The following COMMD1 variants were observed in gnomAD, a reference collection of about 807,000 sequenced individuals.
COMMD1 encodes the protein COMM domain-containing protein 1.
A neutral mutation model predicts 17.2 loss-of-function variants in COMMD1; 10 were observed. That is an observed-to-expected ratio of 0.58 (90% CI 0.36 to 0.99). The LOEUF (loss-of-function observed/expected upper bound fraction) is 0.99. COMMD1 is among the 50% of genes least tolerant of loss of function. The pLI is 0.01. For missense variants in COMMD1, 270 were observed against 231.8 expected (o/e 1.17, Z -1.07); for synonymous variants, 97 against 91.6 (o/e 1.06, Z -0.34).
intron 2 of COMMD1, among the ~76,000 whole-genome samples, chr2:62,054,407 C>T (rs1670629596): frequency 6.6e-6 from 1 of 152,164 alleles, no homozygotes; most frequent in African/African-American, 2.4e-5. Flanking sequence ...ATGTTTATCA[C>T]AGCACCATTC....
intron 1 of COMMD1, among the ~76,000 whole-genome samples, chr2:61,895,453 G>A (rs1360560009): frequency 6.6e-6 from 1 of 152,090 alleles, no homozygotes; most frequent in Non-Finnish European, 1.5e-5. Context: ...GCCCTCTTTG[G>A]CCTTGGTCCT....
intron 1 of COMMD1, among the ~76,000 whole-genome samples, chr2:61,897,652 G>A (rs537209960): frequency 3.2e-4 from 48 of 152,160 alleles, no homozygotes; most frequent in African/African-American, 1.1e-3. Flanking sequence ...AGGAGGCTGA[G>A]GCAGGAGAAT....
chr2:62,108,343 A>T (rs550488091), intron 2 of COMMD1, among the ~76,000 whole-genome samples: 125 of 152,304 alleles, frequency 8.2e-4, no homozygotes, highest in African/African-American at 2.9e-3. Flanking sequence ...AGACAGATTA[A>T]CAGGAGAAAC....
intron 1 of COMMD1, among the ~76,000 whole-genome samples, chr2:61,966,998 T>G (rs1671522743): frequency 6.6e-6 from 1 of 152,186 alleles, no homozygotes; most frequent in South Asian, 2.1e-4. Context: ...TTATTTTTAG[T>G]AACTTTTATC....
chr2:61,987,702 T>C (rs1419959843), intron 1 of COMMD1, among the ~76,000 whole-genome samples: 1 of 152,148 alleles, frequency 6.6e-6, no homozygotes, highest in Admixed American at 6.6e-5. Context: ...GCTCAAGGCC[T>C]AGGACTCTAC....
chr2:61,916,808 T>A (rs1670063867), intron 1 of COMMD1, among the ~76,000 whole-genome samples: 1 of 152,172 alleles, frequency 6.6e-6, no homozygotes, highest in African/African-American at 2.4e-5. Flanking sequence ...AGGAATTTAG[T>A]CCATTTGTAC....
At chr2:61,987,939 G>A (rs1456555650) in intron 1 of COMMD1, among the ~76,000 whole-genome samples, 1 of 152,150 alleles carries the variant, frequency 6.6e-6, no homozygotes, top group Non-Finnish European at 1.5e-5. Context: ...GAGAGCCTCT[G>A]CCTGTATCTG....
At chr2:62,112,317 C>T (rs987795739) in intron 2 of COMMD1, among the ~76,000 whole-genome samples, 1 of 152,172 alleles carries the variant, frequency 6.6e-6, no homozygotes, top group Non-Finnish European at 1.5e-5. Flanking sequence ...TTAAGTAACA[C>T]TGTAAAAACA....
In COMMD1 at chr2:62,077,562, G is replaced by C. The variant is rs577749524; in HGVS notation, c.463-58269G>C. Among the ~76,000 whole-genome samples, 16 of 152,158 alleles carry C rather than the reference G, an allele frequency of 1.1e-4. 1 individual carries two copies. Among genetic ancestry groups the C allele is most frequent in the Admixed American group, 4.6e-4 (7 of 15,296 alleles). On this transcript the variant is annotated intron_variant, in intron 2 of 2. Transcript: ENST00000311832. Reference sequence around the variant, plus strand: ...ATTATCATACTTTACTTCACATTGTGGACAGGATCTATTTATATTTCTCTC... The same window carrying C: ...ATTATCATACTTTACTTCACATTGTCGACAGGATCTATTTATATTTCTCTC...
intron 2 of COMMD1, among the ~76,000 whole-genome samples, chr2:62,103,228 G>A (rs1271267873): frequency 2.0e-5 from 3 of 152,058 alleles, no homozygotes; most frequent in Non-Finnish European, 4.4e-5. Context: ...TCCGCCTGCC[G>A]GCCTCCCAAA....
intron 2 of COMMD1, among the ~76,000 whole-genome samples, chr2:62,015,692 T>TG (rs1425716933): frequency 1.5e-3 from 218 of 144,994 alleles, no homozygotes; most frequent in African/African-American, 5.8e-3. Context: ...TGTTAGTTTC[T>TG]GGGTTTTTTT....
intron 2 of COMMD1, among the ~76,000 whole-genome samples, chr2:62,126,890 A>G (rs961532734): frequency 1.3e-5 from 2 of 152,228 alleles, no homozygotes. Flanking sequence ...GCAAGCAGGC[A>G]AGAGAAAGAA....
chr2:62,116,817 G>A (rs890034480), intron 2 of COMMD1, among the ~76,000 whole-genome samples: 1 of 150,256 alleles, frequency 6.7e-6, no homozygotes, highest in Non-Finnish European at 1.5e-5. Context: ...CCAACATGGA[G>A]AAACCCCATC....
At chr2:61,951,378 T>C (rs1421767790) in intron 1 of COMMD1, among the ~76,000 whole-genome samples, 1 of 151,638 alleles carries the variant, frequency 6.6e-6, no homozygotes, top group African/African-American at 2.4e-5. Flanking sequence ...GAGAATCACT[T>C]GAACCTGGGA....
chr2:61,889,348 A>G (rs1391468996), intron 1 of COMMD1, among the ~76,000 whole-genome samples: 1 of 151,988 alleles, frequency 6.6e-6, no homozygotes, highest in East Asian at 1.9e-4. Context: ...CCAGGACGAC[A>G]GGTGCCCGCC....
chr2:62,020,295 G>C (rs1359116038), intron 2 of COMMD1, among the ~76,000 whole-genome samples: 1 of 152,222 alleles, frequency 6.6e-6, no homozygotes, highest in African/African-American at 2.4e-5. Context: ...TTGAAATTCA[G>C]CTGGGCACAG....
At chr2:61,942,478 T>C (rs1313437557) in intron 1 of COMMD1, among the ~76,000 whole-genome samples, 3 of 151,886 alleles carry the variant, frequency 2.0e-5, no homozygotes, top group Non-Finnish European at 2.9e-5. Context: ...GTGGCACTCA[T>C]GATCTGCCTG....
chr2:61,990,329 A>AT (rs1301627712), intron 1 of COMMD1, among the ~76,000 whole-genome samples: 4 of 152,126 alleles, frequency 2.6e-5, no homozygotes, highest in Admixed American at 2.0e-4. Context: ...GTTCTTATAG[A>AT]TTTTTTTCTT....
At chr2:62,106,008 T>G (rs79557749) in intron 2 of COMMD1, among the ~76,000 whole-genome samples, 1 of 152,142 alleles carries the variant, frequency 6.6e-6, no homozygotes, top group Non-Finnish European at 1.5e-5. Flanking sequence ...CTTTTTTTTT[T>G]CTTCTGAGAC....
Sources: allele counts gnomAD v4.1 joint callset (sites outside exome capture counted in the v4.1 genomes callset), GRCh38; gene constraint gnomAD v4.1.1; transcripts MANE v1.5; gene names NCBI Gene and HGNC (gene_info 2026-07-23, HGNC 2026-07-21).